BICC1: variants seen among roughly 807,000 people sequenced by gnomAD.
BICC1 encodes the protein protein bicaudal C homolog 1.
A neutral mutation model predicts 111.0 loss-of-function variants in BICC1; 43 were observed. That is an observed-to-expected ratio of 0.39 (90% CI 0.30 to 0.50). The LOEUF (loss-of-function observed/expected upper bound fraction) is 0.50, where lower values mean the gene tolerates loss of function less well. BICC1 is among the 20% of genes least tolerant of loss of function. The pLI is 0.88. For missense variants in BICC1, 1,091 were observed against 1,203.2 expected (o/e 0.91, Z 1.38); for synonymous variants, 467 against 434.4 (o/e 1.07, Z -0.93).
intron 15 of BICC1, among the ~76,000 whole-genome samples, chr10:58,805,025 G>C (rs1385546551): frequency 2.0e-5 from 3 of 152,098 alleles, no homozygotes; most frequent in African/African-American, 7.2e-5. Flanking sequence ...AGGCATGGTG[G>C]CTCACACCTG....
chr10:58,713,143 T>C (rs1343626100), intron 3 of BICC1, among the ~76,000 whole-genome samples: 1 of 152,180 alleles, frequency 6.6e-6, no homozygotes, highest in Non-Finnish European at 1.5e-5. Flanking sequence ...AATGCCTAAA[T>C]TAAACAGTAA....
chr10:58,820,644 C>T (rs1248980659), intron 20 of BICC1, among the ~76,000 whole-genome samples, 176 bp downstream of exon 20: 2 of 152,062 alleles, frequency 1.3e-5, no homozygotes, highest in Admixed American at 6.6e-5. Flanking sequence ...CTTACTTTTT[C>T]ATCAAGGCAT....
chr10:58,567,606 A>G (rs1052526422), intron 1 of BICC1, among the ~76,000 whole-genome samples: 8 of 151,720 alleles, frequency 5.3e-5, no homozygotes, highest in South Asian at 2.1e-4. Context: ...CCATCCCCCA[A>G]TTGGCTTATT....
chr10:58,816,415 C>T (rs1844089416), intron 18 of BICC1, among the ~76,000 whole-genome samples: 1 of 152,150 alleles, frequency 6.6e-6, no homozygotes, highest in Non-Finnish European at 1.5e-5. Flanking sequence ...TAAACAGCAG[C>T]TATCCTTAAG....
intron 3 of BICC1, among the ~76,000 whole-genome samples, chr10:58,761,743 G>T (rs1183272355): frequency 6.6e-6 from 1 of 152,090 alleles, no homozygotes; most frequent in Non-Finnish European, 1.5e-5. Flanking sequence ...GAAAAGTAAG[G>T]ACTGGCATGG....
chr10:58,543,187 A>T (rs1256569759), intron 1 of BICC1, among the ~76,000 whole-genome samples: 3 of 152,136 alleles, frequency 2.0e-5, no homozygotes, highest in Admixed American at 6.6e-5. Flanking sequence ...GCTCAGGATT[A>T]AAAAAAGGAA....
intron 11 of BICC1, 101 bp from the exon 12 acceptor site, chr10:58,798,954 TC>T (rs1843447720): frequency 1.2e-5 from 11 of 925,864 alleles, no homozygotes; most frequent in Non-Finnish European, 1.7e-5. Context: ...TGAATTCTTT[TC>T]TGAACTTGCA....
chr10:58,638,857 TTCTTTTTTCTCTTC>T (rs200454988), intron 2 of BICC1, among the ~76,000 whole-genome samples: 143,667 of 144,140 alleles, frequency 1, 71,598 homozygotes, highest in Middle Eastern at 1. Context: ...TTCTTTTCTT[TTCTTTTTTCTCTTC>T]TCTTTTTTCT....
chr10:58,601,140 T>TTATATATACATATATATA (rs1845014455), intron 1 of BICC1, among the ~76,000 whole-genome samples: 1 of 100,672 alleles, frequency 9.9e-6, no homozygotes, highest in Non-Finnish European at 2.0e-5. Context: ...ATTTTAAAAC[T>TTATATATACATATATATA]TATATATATA....
At chr10:58,796,265 C>T in intron 9 of BICC1, 75 bp from the exon 10 acceptor site, 3 of 1,291,732 alleles carry the variant, frequency 2.3e-6, no homozygotes, top group Non-Finnish European at 3.3e-6. Flanking sequence ...ATTCATTTTC[C>T]ACCTCCCTCC....
chr10:58,672,634 G>A (rs1839218003), intron 2 of BICC1, among the ~76,000 whole-genome samples: 1 of 152,110 alleles, frequency 6.6e-6, no homozygotes, highest in Admixed American at 6.6e-5. Flanking sequence ...TTCCCTGTAT[G>A]TACTATAAGC....
Position 58,788,339 on chromosome 10 carries a change from A to C in BICC1, c.547-31A>C, listed in dbSNP as rs374301012. 12 of 1,530,912 alleles carry C rather than the reference A, an allele frequency of 7.8e-6. No individual in the cohort carries two copies. In the African/African-American group the frequency reaches 1.6e-4, roughly 21 times the overall value. 94.8% of individuals were successfully genotyped at this position (1,530,912 alleles called of 1,614,324 possible). On this transcript the variant is annotated intron_variant, in intron 5 of 20. Coordinates refer to ENST00000373886, the MANE Select transcript of BICC1 (RefSeq NM_001080512.3). ...AAGAGATGTGAGTTTGATTAAAATA[A>C]ATCTAACTTTGTATTTTCCTCCTCT...
intron 2 of BICC1, among the ~76,000 whole-genome samples, chr10:58,649,889 A>G (rs777792971): frequency 5.9e-5 from 9 of 152,034 alleles, no homozygotes; most frequent in Non-Finnish European, 1.2e-4. Context: ...AGACCATGCT[A>G]TCACTACCAC....
At chr10:58,662,739 TAATA>T (rs1036293194) in intron 2 of BICC1, among the ~76,000 whole-genome samples, 4 of 152,208 alleles carry the variant, frequency 2.6e-5, no homozygotes, top group African/African-American at 9.6e-5. Flanking sequence ...TAGTTCATCC[TAATA>T]AATGTATAAC....
chr10:58,536,433 A>C (rs1201054655), intron 1 of BICC1, among the ~76,000 whole-genome samples: 1 of 151,830 alleles, frequency 6.6e-6, no homozygotes, highest in Non-Finnish European at 1.5e-5. Context: ...AAAACTGTAT[A>C]AATACATGGA....
intron 1 of BICC1, among the ~76,000 whole-genome samples, chr10:58,551,889 A>G (rs1386243835): frequency 1.3e-5 from 2 of 152,220 alleles, no homozygotes; most frequent in East Asian, 3.9e-4. Context: ...GTTTAGTGCA[A>G]GGAACACCAT....
chr10:58,605,828 T>C (rs1240098757), intron 1 of BICC1, among the ~76,000 whole-genome samples: 1 of 152,250 alleles, frequency 6.6e-6, no homozygotes, highest in Non-Finnish European at 1.5e-5. Context: ...TGTGGAGCGC[T>C]GACTCTCTAT....
At chr10:58,821,019 C>T (rs1844237576) in intron 20 of BICC1, among the ~76,000 whole-genome samples, 1 of 152,072 alleles carries the variant, frequency 6.6e-6, no homozygotes, top group African/African-American at 2.4e-5. Flanking sequence ...AAAATAATGT[C>T]TGTCTCCCTA....
At chr10:58,567,742 AT>A (rs1390921515) in intron 1 of BICC1, among the ~76,000 whole-genome samples, 1 of 151,996 alleles carries the variant, frequency 6.6e-6, no homozygotes, top group Non-Finnish European at 1.5e-5. Flanking sequence ...TAGTTAATAG[AT>A]TACTTATAAT....
Sources: gnomAD v4.1 joint callset for allele counts (sites outside exome capture counted in the v4.1 genomes callset) on GRCh38, gnomAD v4.1.1 for gene constraint, MANE v1.5 for transcripts, NCBI Gene and HGNC (gene_info 2026-07-23, HGNC 2026-07-21) for gene names.